ADGRL3: variants seen among roughly 807,000 people sequenced by gnomAD.
ADGRL3 encodes the protein calcium-independent alpha-latrotoxin receptor 3.
Under a neutral mutation model 153.5 loss-of-function variants are expected in ADGRL3, and 62 were observed. The observed-to-expected ratio is 0.40, with a 90% CI of 0.33 to 0.50. The LOEUF is 0.50. Ranked by LOEUF, ADGRL3 falls within the 20% of genes least tolerant of loss-of-function variation. ADGRL3 has a pLI of 0.47. For synonymous variants in ADGRL3, 710 were observed against 672.5 expected (o/e 1.06, Z -0.86); for missense variants, 1,641 against 1,859.4 (o/e 0.88, Z 2.16).
At chr4:61,867,081 T>G (rs1283495512) in intron 9 of ADGRL3, among the ~76,000 whole-genome samples, 5 of 152,100 alleles carry the variant, frequency 3.3e-5, no homozygotes, top group Non-Finnish European at 1.5e-5. Flanking sequence ...TAAAGAATTT[T>G]AATAGTAGAA....
At chr4:61,785,749 A>T (rs1225995364) in intron 8 of ADGRL3, among the ~76,000 whole-genome samples, 1 of 152,226 alleles carries the variant, frequency 6.6e-6, no homozygotes, top group African/African-American at 2.4e-5. Flanking sequence ...GGCATACTGC[A>T]GTGAGTTTAT....
At chr4:61,282,851 A>G (rs1261952244) in intron 1 of ADGRL3, among the ~76,000 whole-genome samples, 1 of 152,120 alleles carries the variant, frequency 6.6e-6, no homozygotes, top group Non-Finnish European at 1.5e-5. Context: ...AATAAATTTC[A>G]GTTAAACAGT....
At position 61,989,492 on chromosome 4, in the gene ADGRL3, G is replaced by C. The variant is rs557400860; in HGVS notation, c.3236+5889G>C. ...TTCAATATGTCTACAGGGAGTACAT[G>C]TGTATGTTTATATACTATTTTATTA... is the stretch of plus-strand genomic sequence containing the variant. On this transcript the variant is annotated intron_variant, in intron 19 of 26. Transcript: ENST00000683033. Among the ~76,000 whole-genome samples, 16 of 152,110 alleles carry C rather than the reference G, an allele frequency of 1.1e-4. No homozygotes were observed. In the East Asian group the frequency reaches 3.1e-3, roughly 29 times the overall value.
chr4:61,460,734 A>G (rs572556784), intron 2 of ADGRL3, among the ~76,000 whole-genome samples: 2 of 152,270 alleles, frequency 1.3e-5, no homozygotes, highest in Admixed American at 6.5e-5. Flanking sequence ...TCATGGCAGC[A>G]GGCAAGAGAG....
chr4:62,028,964 A>G, intron 22 of ADGRL3, 83 bp downstream of exon 22: 5 of 1,218,972 alleles, frequency 4.1e-6, no homozygotes, highest in Middle Eastern at 1.9e-4. Flanking sequence ...CTGAAAAATC[A>G]TTAGAGCTTC....
intron 8 of ADGRL3, among the ~76,000 whole-genome samples, chr4:61,750,246 A>G (rs1440370031): frequency 1.3e-5 from 2 of 151,182 alleles, no homozygotes; most frequent in Non-Finnish European, 2.9e-5. Flanking sequence ...TTTGCTGGCC[A>G]TTTACAAAGA....
intron 4 of ADGRL3, among the ~76,000 whole-genome samples, chr4:61,562,864 G>C (rs2098800801): frequency 1.4e-5 from 2 of 147,684 alleles, no homozygotes; most frequent in Middle Eastern, 7.4e-3. Flanking sequence ...ATCCTTGCTT[G>C]AACCTAGCAG....
At chr4:61,334,089 G>A (rs897878844) in intron 1 of ADGRL3, among the ~76,000 whole-genome samples, 1 of 149,182 alleles carries the variant, frequency 6.7e-6, no homozygotes, top group African/African-American at 2.5e-5. Context: ...GGTAATTTTT[G>A]TATTTTTAGT....
chr4:61,244,172 T>A (rs1331573822), intron 1 of ADGRL3, among the ~76,000 whole-genome samples: 1 of 152,028 alleles, frequency 6.6e-6, no homozygotes, highest in African/African-American at 2.4e-5. Flanking sequence ...TACACTGATT[T>A]ATGCAGTAGT....
chr4:61,691,360 A>T (rs1012977763), intron 6 of ADGRL3, among the ~76,000 whole-genome samples: 3 of 152,154 alleles, frequency 2.0e-5, no homozygotes, highest in African/African-American at 7.2e-5. Flanking sequence ...AAGATCTAGG[A>T]CTGATAGGGA....
At position 61,847,624 on chromosome 4, in the gene ADGRL3, A is replaced by G. The variant is rs1289115341; in HGVS notation, c.1480+33735A>G. Reference sequence around the variant, plus strand: ...ATATATAATATATTATATATATAATATAAAATATATTATATATATAATATA... The same window carrying G: ...ATATATAATATATTATATATATAATGTAAAATATATTATATATATAATATA... On this transcript the variant is annotated intron_variant, in intron 9 of 26. Transcript: ENST00000683033. 1.0e-4 allele frequency among the ~76,000 whole-genome samples: 5 copies of G among 48,050 alleles called. 1 individual carries two copies. Among genetic ancestry groups the G allele is most frequent in the Admixed American group, 6.7e-4 (2 of 3,004 alleles). 31.5% of individuals were successfully genotyped at this position (48,050 alleles called of 152,430 possible). A position where few individuals can be genotyped will look rare whatever the true frequency, so the allele number is the denominator to read the frequency against.
chr4:61,992,833 C>CA (rs1429976550), intron 19 of ADGRL3, among the ~76,000 whole-genome samples: 1 of 151,988 alleles, frequency 6.6e-6, no homozygotes, highest in Non-Finnish European at 1.5e-5. Flanking sequence ...AGACCATTTT[C>CA]AAAAAAGCAA....
At chr4:61,939,818 C>A (rs964842138) in intron 15 of ADGRL3, among the ~76,000 whole-genome samples, 4 of 152,108 alleles carry the variant, frequency 2.6e-5, no homozygotes, top group Admixed American at 2.6e-4. Flanking sequence ...ACAGTGTATA[C>A]CATTTGCTGT....
At chr4:61,315,089 G>A (rs1330134016) in intron 1 of ADGRL3, among the ~76,000 whole-genome samples, 2 of 152,194 alleles carry the variant, frequency 1.3e-5, no homozygotes, top group Non-Finnish European at 2.9e-5. Flanking sequence ...CATGTAAGCT[G>A]AGATTTGAAG....
intron 1 of ADGRL3, among the ~76,000 whole-genome samples, chr4:61,272,126 A>G (rs2093218927): frequency 6.6e-6 from 1 of 151,972 alleles, no homozygotes. Context: ...TCTAAGTTGT[A>G]GTTTCTTATA....
chr4:61,747,323 A>G (rs1308302259), intron 8 of ADGRL3, among the ~76,000 whole-genome samples: 1 of 151,614 alleles, frequency 6.6e-6, no homozygotes, highest in Non-Finnish European at 1.5e-5. Flanking sequence ...ATTCCAATCA[A>G]TAGAAAAAGA....
chr4:61,412,882 C>A (rs2097103956), intron 2 of ADGRL3, among the ~76,000 whole-genome samples: 1 of 152,038 alleles, frequency 6.6e-6, no homozygotes, highest in South Asian at 2.1e-4. Context: ...AAATCTTTGT[C>A]AGATAATTTT....
chr4:61,987,493 T>C (rs921722034), intron 19 of ADGRL3, among the ~76,000 whole-genome samples: 2 of 152,042 alleles, frequency 1.3e-5, no homozygotes, highest in African/African-American at 4.8e-5. Context: ...TTTTATTTAA[T>C]ATGGCATTTC....
chr4:61,366,903 T>A (rs1044111064), intron 1 of ADGRL3, among the ~76,000 whole-genome samples: 2 of 152,186 alleles, frequency 1.3e-5, no homozygotes, highest in Non-Finnish European at 2.9e-5. Context: ...GTCCTGGTAG[T>A]AGGAACAATA....
Sources: allele counts gnomAD v4.1 joint callset (sites outside exome capture counted in the v4.1 genomes callset), GRCh38; gene constraint gnomAD v4.1.1; transcripts MANE v1.5; gene names NCBI Gene and HGNC (gene_info 2026-07-23, HGNC 2026-07-21).